AGBL1: variants seen among roughly 807,000 people sequenced by gnomAD.
AGBL1 encodes the protein cytosolic carboxypeptidase 4.
A neutral mutation model predicts 118.9 loss-of-function variants in AGBL1; 130 were observed. That is an observed-to-expected ratio of 1.09 (90% CI 0.95 to 1.26). AGBL1 has a LOEUF of 1.26. AGBL1 is among the 50% of genes most tolerant of loss of function. The pLI is 0.00. For missense variants in AGBL1, 1,584 were observed against 1,298.1 expected (o/e 1.22, Z -3.38); for synonymous variants, 555 against 478.9 (o/e 1.16, Z -2.08).
chr15:87,008,284 C>T (rs1323229991), intron 24 of AGBL1, among the ~76,000 whole-genome samples: 2 of 152,100 alleles, frequency 1.3e-5, no homozygotes, highest in African/African-American at 2.4e-5. Context: ...GGGGGCAGGT[C>T]TTTCCCACGC....
intron 23 of AGBL1, among the ~76,000 whole-genome samples, chr15:86,987,552 TGTTTTTAATTA>T (rs2081297702): frequency 6.6e-6 from 1 of 152,184 alleles, no homozygotes. Context: ...GAAATTTGGC[TGTTTTTAATTA>T]GTTTTATCAG....
intron 24 of AGBL1, among the ~76,000 whole-genome samples, chr15:87,009,725 C>T (rs1482872877): frequency 1.3e-5 from 2 of 152,194 alleles, no homozygotes; most frequent in Non-Finnish European, 2.9e-5. Context: ...CATGGGAGCC[C>T]ACTTGCATCA....
chr15:86,641,526 A>G (rs1262996147), intron 21 of AGBL1, among the ~76,000 whole-genome samples: 3 of 151,914 alleles, frequency 2.0e-5, no homozygotes, highest in African/African-American at 7.2e-5. Context: ...TGTGAGAATC[A>G]TTTTTCTCCT....
intron 19 of AGBL1, among the ~76,000 whole-genome samples, chr15:86,541,920 C>T (rs2083502790): frequency 6.6e-6 from 1 of 152,064 alleles, no homozygotes; most frequent in Admixed American, 6.6e-5. Context: ...AAAAGAATTA[C>T]AAGATTTGAT....
intron 21 of AGBL1, among the ~76,000 whole-genome samples, chr15:86,667,510 T>G (rs1401908104): frequency 1.3e-5 from 2 of 152,152 alleles, no homozygotes; most frequent in Non-Finnish European, 2.9e-5. Flanking sequence ...TCCACTGTCT[T>G]AGGTATTAGT....
chr15:86,128,846 T>C (rs1409872298), intron 1 of AGBL1, among the ~76,000 whole-genome samples: 1 of 152,186 alleles, frequency 6.6e-6, no homozygotes, highest in African/African-American at 2.4e-5. Context: ...GTTGAGCAGA[T>C]ACTTCCTAGG....
chr15:86,477,163 T>C (rs1455118836), intron 18 of AGBL1, among the ~76,000 whole-genome samples: 1 of 151,850 alleles, frequency 6.6e-6, no homozygotes, highest in African/African-American at 2.4e-5. Flanking sequence ...AACATCACAA[T>C]TGAAAGAACT....
chr15:86,553,802 G>T, intron 20 of AGBL1, among the ~76,000 whole-genome samples: 1 of 152,114 alleles, frequency 6.6e-6, no homozygotes, highest in Non-Finnish European at 1.5e-5. Context: ...AGTTGGCCAG[G>T]TTGGCATTTG....
At chr15:86,617,126 C>A (rs1368452843) in intron 21 of AGBL1, among the ~76,000 whole-genome samples, 1 of 152,230 alleles carries the variant, frequency 6.6e-6, no homozygotes, top group Non-Finnish European at 1.5e-5. Context: ...TTTGGCCTGA[C>A]TTCCCCTTTG....
intron 22 of AGBL1, among the ~76,000 whole-genome samples, chr15:86,792,984 G>C (rs2078517135): frequency 6.6e-6 from 1 of 151,820 alleles, no homozygotes; most frequent in Admixed American, 6.6e-5. Flanking sequence ...TGTGCCTCTT[G>C]ATAACTTAAA....
intron 18 of AGBL1, among the ~76,000 whole-genome samples, chr15:86,427,994 C>T (rs2081888386): frequency 6.6e-6 from 1 of 152,132 alleles, no homozygotes; most frequent in East Asian, 1.9e-4. Context: ...AATACGTATT[C>T]AGGTATCTCT....
intron 17 of AGBL1, among the ~76,000 whole-genome samples, chr15:86,369,405 T>C (rs541632604): frequency 6.6e-6 from 1 of 152,182 alleles, no homozygotes; most frequent in Admixed American, 6.5e-5. Context: ...AGAAAACCAC[T>C]AAAGTCAAGA....
intron 24 of AGBL1, among the ~76,000 whole-genome samples, chr15:87,012,192 TACACACACACACACACAC>T (rs57985975): frequency 0.11 from 15,351 of 142,744 alleles, 1,581 homozygotes; most frequent in African/African-American, 0.27. Flanking sequence ...TACAAATTTA[TACACACACACACACACAC>T]ACACACACAC....
intron 5 of AGBL1, among the ~76,000 whole-genome samples, chr15:86,168,541 A>T (rs1411021137): frequency 1.3e-5 from 2 of 152,224 alleles, no homozygotes; most frequent in African/African-American, 4.8e-5. Flanking sequence ...TATTATTTAT[A>T]ATTGGAAATA....
intron 22 of AGBL1, among the ~76,000 whole-genome samples, chr15:86,807,965 G>C (rs927953570): frequency 6.6e-6 from 1 of 151,988 alleles, no homozygotes; most frequent in Non-Finnish European, 1.5e-5. Context: ...CATAAACATG[G>C]GCAAGCTGTG....
chr15:86,223,492 A>T lies in AGBL1; in HGVS notation c.489-1422A>T, dbSNP rs117436221. Among the ~76,000 whole-genome samples the T allele has an allele frequency of 8.5e-3, 1,291 of 152,288 alleles. 9 individuals carry two copies. The highest frequency in any genetic ancestry group is 0.015 in the South Asian group (73 of 4,816). On this transcript the variant is annotated intron_variant, in intron 5 of 22. Transcript: ENST00000614907. ...TTTCACACAACTTGAATTTTCAGAA[A>T]CACCTTCCATGTGTTCCGTTTTCAA...
At chr15:86,263,000 T>A in intron 10 of AGBL1, 106 bp downstream of exon 10, 1 of 794,804 alleles carries the variant, frequency 1.3e-6, no homozygotes, top group Non-Finnish European at 2.1e-6. Flanking sequence ...TGCTCATCAT[T>A]AGCCATATGC....
At chr15:86,097,776 A>G (rs1262295504) in intron 1 of AGBL1, among the ~76,000 whole-genome samples, 1 of 152,054 alleles carries the variant, frequency 6.6e-6, no homozygotes, top group Admixed American at 6.6e-5. Flanking sequence ...TTGTGAATAA[A>G]CATGGGGATG....
At chr15:86,963,015 G>T (rs575559855) in intron 23 of AGBL1, among the ~76,000 whole-genome samples, 1 of 152,172 alleles carries the variant, frequency 6.6e-6, no homozygotes, top group East Asian at 1.9e-4. Context: ...CGATTAAAAC[G>T]TGAGCATTAA....
Sources: allele counts gnomAD v4.1 joint callset (sites outside exome capture counted in the v4.1 genomes callset), GRCh38; gene constraint gnomAD v4.1.1; transcripts MANE v1.5; gene names NCBI Gene and HGNC (gene_info 2026-07-23, HGNC 2026-07-21).